SUCLG2: variants seen among roughly 807,000 people sequenced by gnomAD.
SUCLG2 encodes the protein succinate--CoA ligase [GDP-forming] subunit beta, mitochondrial.
In SUCLG2, 42 loss-of-function variants were observed where a neutral mutation model predicts 47.9. The observed-to-expected ratio is 0.88, with a 90% CI of 0.69 to 1.14. SUCLG2 has a LOEUF of 1.14. Among genes scored for constraint, SUCLG2 ranks in the 50% most tolerant of loss-of-function variants. The probability of loss-of-function intolerance (pLI) is 0.00; values close to 1 mark genes in which losing one functional copy is unlikely to be tolerated. For synonymous variants in SUCLG2, 195 were observed against 197.3 expected, an observed-to-expected ratio of 0.99 and a Z score of 0.10; for missense variants, 571 against 525.9, an observed-to-expected ratio of 1.09 and a Z score of -0.84.
intron 2 of SUCLG2, among the ~76,000 whole-genome samples, chr3:67,596,102 G>A (rs1708287034): frequency 6.6e-6 from 1 of 152,130 alleles, no homozygotes; most frequent in African/African-American, 2.4e-5. Context: ...ATGAACTCTG[G>A]GTGGGTACCC....
chr3:67,553,908 G>A (rs1056463069), intron 2 of SUCLG2, among the ~76,000 whole-genome samples: 2 of 152,088 alleles, frequency 1.3e-5, no homozygotes, highest in Non-Finnish European at 2.9e-5. Context: ...AAAAATGTAC[G>A]CAGATTACTA....
intron 9 of SUCLG2, among the ~76,000 whole-genome samples, chr3:67,459,784 C>A (rs765703417): frequency 1.3e-5 from 2 of 152,160 alleles, no homozygotes; most frequent in Non-Finnish European, 2.9e-5. Context: ...TGGTAGGATG[C>A]TACCAGGAGT....
intron 2 of SUCLG2, among the ~76,000 whole-genome samples, chr3:67,584,750 T>C (rs1433177105): frequency 2.0e-5 from 3 of 152,150 alleles, no homozygotes; most frequent in African/African-American, 7.2e-5. Context: ...CTTACAATCA[T>C]GGTAGAAGAA....
intron 10 of SUCLG2, among the ~76,000 whole-genome samples, chr3:67,387,185 T>C (rs1160015378): frequency 6.6e-6 from 1 of 152,070 alleles, no homozygotes; most frequent in Non-Finnish European, 1.5e-5. Context: ...TTCTTAGAAG[T>C]GTAAATGCAG....
At chr3:67,583,681 C>A (rs1181122558) in intron 2 of SUCLG2, among the ~76,000 whole-genome samples, 2 of 152,192 alleles carry the variant, frequency 1.3e-5, no homozygotes, top group Admixed American at 1.3e-4. Context: ...GACTTCTTCC[C>A]ACCTTACTAG....
At chr3:67,554,314 G>A (rs990812580) in intron 2 of SUCLG2, among the ~76,000 whole-genome samples, 2 of 152,222 alleles carry the variant, frequency 1.3e-5, no homozygotes, top group Non-Finnish European at 2.9e-5. Flanking sequence ...CCATGTGAAT[G>A]TTGTTTTGTT....
chr3:67,567,088 C>G (rs1575783613), intron 2 of SUCLG2, among the ~76,000 whole-genome samples: 1 of 151,812 alleles, frequency 6.6e-6, no homozygotes, highest in Non-Finnish European at 1.5e-5. Flanking sequence ...GAAGGCTAAG[C>G]TGGGAGGATT....
intron 9 of SUCLG2, among the ~76,000 whole-genome samples, chr3:67,487,675 G>C (rs1705093766): frequency 6.6e-6 from 1 of 152,126 alleles, no homozygotes; most frequent in Non-Finnish European, 1.5e-5. Flanking sequence ...TGTTGGTAAA[G>C]AATTACAGCA....
chr3:67,463,674 C>G (rs778473513), intron 9 of SUCLG2, among the ~76,000 whole-genome samples: 6 of 152,112 alleles, frequency 3.9e-5, no homozygotes, highest in Non-Finnish European at 8.8e-5. Context: ...TGTTGGTACC[C>G]CACTTATATT....
chr3:67,360,794 A>G (rs1701793114), intron 10 of SUCLG2: 1 of 1,494,960 alleles, frequency 6.7e-7, no homozygotes, highest in Non-Finnish European at 8.9e-7. Context: ...GATTCTTGTA[A>G]TGAGTTTTTT....
chr3:67,463,636 G>A lies in SUCLG2; in HGVS notation c.1062+32162C>T, dbSNP rs373950480. Among the ~76,000 whole-genome samples, 6 of 152,182 alleles carry A rather than the reference G, an allele frequency of 3.9e-5. No individual in the cohort carries two copies. In the East Asian group the frequency reaches 9.6e-4, roughly 24 times the overall value. On this transcript the variant is annotated intron_variant, in intron 9 of 10. Transcript: ENST00000307227. ...TGAATTAATTTGTTTATGGGGCCAT[G>A]CTTTTCCTGTTCTCTCTCAAGAGTT...
At chr3:67,595,810 T>C (rs1708280553) in intron 2 of SUCLG2, among the ~76,000 whole-genome samples, 3 of 152,228 alleles carry the variant, frequency 2.0e-5, no homozygotes, top group African/African-American at 7.2e-5. Flanking sequence ...ATTTCAGCCA[T>C]TGTATTTTCT....
intron 4 of SUCLG2, among the ~76,000 whole-genome samples, chr3:67,527,390 G>T (rs901559472): frequency 1.3e-5 from 2 of 152,218 alleles, no homozygotes; most frequent in African/African-American, 4.8e-5. Flanking sequence ...AGCTATAGCT[G>T]TCTTGAAATT....
intron 9 of SUCLG2, among the ~76,000 whole-genome samples, chr3:67,479,664 T>G (rs1198140932): frequency 1.3e-5 from 2 of 152,196 alleles, no homozygotes; most frequent in African/African-American, 4.8e-5. Context: ...CGAAGAGCAG[T>G]AATAGGAAAG....
At chr3:67,595,188 C>T (rs956152667) in intron 2 of SUCLG2, among the ~76,000 whole-genome samples, 1 of 152,022 alleles carries the variant, frequency 6.6e-6, no homozygotes, top group East Asian at 1.9e-4. Context: ...GCAGGGACTT[C>T]GATGTTCACA....
In SUCLG2 at chr3:67,609,596, C is replaced by A. The variant is rs768271750; in HGVS notation, c.85G>T (p.Ala29Ser). The change falls in exon 2 of 11, where the codon GCA becomes TCA. Residue 29 changes from alanine to serine, a missense_variant and splice_region_variant. Ala to Ser is a moderately conservative substitution (Grantham distance 99, BLOSUM62 1). Coordinates refer to ENST00000307227, the MANE Select transcript of SUCLG2 (RefSeq NM_003848.4). Reference sequence around the variant, plus strand: ...CATCTTCTGGAGGTTAATTGAACTGCCTACAGAAATTGAAGGAGAGAGGTA... The same window carrying A: ...CATCTTCTGGAGGTTAATTGAACTGACTACAGAAATTGAAGGAGAGAGGTA... ...RPRFLAAGSQAVQLTSRRWLN... is the reference protein window; with the variant it reads ...RPRFLAAGSQSVQLTSRRWLN... 3 of 1,611,624 alleles carry A rather than the reference C, an allele frequency of 1.9e-6. No individual in the cohort carries two copies. In the African/African-American group the frequency reaches 4.0e-5, roughly 22 times the overall value.
chr3:67,456,820 C>T (rs1704197391), intron 9 of SUCLG2, among the ~76,000 whole-genome samples: 1 of 152,108 alleles, frequency 6.6e-6, no homozygotes. Flanking sequence ...AGCAAATGCA[C>T]ATATTTGCCA....
chr3:67,545,359 C>A (rs545505021), intron 2 of SUCLG2, among the ~76,000 whole-genome samples: 2 of 152,254 alleles, frequency 1.3e-5, no homozygotes, highest in East Asian at 3.9e-4. Context: ...ATGACCTACC[C>A]CAAGAGAGAT....
intron 2 of SUCLG2, among the ~76,000 whole-genome samples, chr3:67,535,837 T>C (rs1412757617): frequency 6.6e-6 from 1 of 152,176 alleles, no homozygotes; most frequent in Non-Finnish European, 1.5e-5. Flanking sequence ...ACAAATTCTG[T>C]GCAAACTCCT....
Sources: allele counts gnomAD v4.1 joint callset (sites outside exome capture counted in the v4.1 genomes callset), GRCh38; gene constraint gnomAD v4.1.1; transcripts MANE v1.5; gene names NCBI Gene and HGNC (gene_info 2026-07-23, HGNC 2026-07-21).